Variants in RAB2A observed in about 807,000 individuals in gnomAD.
RAB2A encodes the protein ras-related protein Rab-2A.
In RAB2A, 7 loss-of-function variants were observed where a neutral mutation model predicts 32.5. The ratio of observed to expected loss-of-function variants is 0.22; its 90% CI spans 0.12 to 0.40. The LOEUF (loss-of-function observed/expected upper bound fraction) is 0.40. Among genes scored for constraint, RAB2A ranks in the 10% least tolerant of loss-of-function variants. The pLI is 1.00. For synonymous variants in RAB2A, 79 were observed against 85.2 expected (o/e 0.93, Z 0.40); for missense variants, 108 against 260.7 (o/e 0.41, Z 4.03).
chr8:60,522,227 C>A (rs1026548412), intron 1 of RAB2A, among the ~76,000 whole-genome samples: 1 of 152,140 alleles, frequency 6.6e-6, no homozygotes, highest in Admixed American at 6.5e-5. Flanking sequence ...TTACCAGTGT[C>A]ATGTGCAGTA....
intron 1 of RAB2A, among the ~76,000 whole-genome samples, chr8:60,550,082 C>T (rs1807822413): frequency 6.6e-6 from 1 of 152,110 alleles, no homozygotes; most frequent in East Asian, 1.9e-4. Flanking sequence ...CTTGTCTACT[C>T]AGCTTTGTCT....
intron 1 of RAB2A, among the ~76,000 whole-genome samples, chr8:60,535,620 G>A (rs1434103251): frequency 6.6e-6 from 1 of 152,122 alleles, no homozygotes; most frequent in African/African-American, 2.4e-5. Context: ...AACCAACTCT[G>A]GTTAATGTAA....
chr8:60,607,313 C>T (rs1294968944), intron 6 of RAB2A, among the ~76,000 whole-genome samples: 2 of 148,080 alleles, frequency 1.4e-5, no homozygotes. Context: ...CCTGTAGTGC[C>T]AGTTACTCAG....
At chr8:60,553,518 A>G (rs1046559030) in intron 1 of RAB2A, among the ~76,000 whole-genome samples, 1 of 152,232 alleles carries the variant, frequency 6.6e-6, no homozygotes, top group Admixed American at 6.5e-5. Flanking sequence ...ATGCATATAT[A>G]CTAAGTGTAT....
At chr8:60,615,743 G>A (rs888854768) in intron 6 of RAB2A, among the ~76,000 whole-genome samples, 17 of 152,160 alleles carry the variant, frequency 1.1e-4, no homozygotes, top group African/African-American at 4.1e-4. Context: ...AAAGTCCATG[G>A]CCACATATTT....
At chr8:60,590,705 C>T (rs1013481848) in intron 5 of RAB2A, among the ~76,000 whole-genome samples, 15 of 151,084 alleles carry the variant, frequency 9.9e-5, no homozygotes, top group Non-Finnish European at 2.1e-4. Context: ...ATTCAGTAGA[C>T]TGTAATTCAC....
intron 2 of RAB2A, among the ~76,000 whole-genome samples, chr8:60,565,676 A>ATTTTTTTTTTTT (rs71252885): frequency 3.1e-5 from 3 of 97,672 alleles, no homozygotes; most frequent in Non-Finnish European, 6.3e-5. Context: ...TCTGTAGCTG[A>ATTTTTTTTTTTT]TTTTTTTTTT....
At chr8:60,579,929 A>G (rs893802970) in intron 3 of RAB2A, among the ~76,000 whole-genome samples, 1 of 151,186 alleles carries the variant, frequency 6.6e-6, no homozygotes. Flanking sequence ...GCCTGGCCCT[A>G]GGTTAACATT....
intron 6 of RAB2A, among the ~76,000 whole-genome samples, chr8:60,612,920 G>A (rs1030456729): frequency 1.3e-5 from 2 of 152,118 alleles, no homozygotes; most frequent in Non-Finnish European, 1.5e-5. Flanking sequence ...GAATTGCCTT[G>A]AAATACAGTT....
Position 60,622,575 on chromosome 8 carries a change from G to C in RAB2A, c.*1806G>C, listed in dbSNP as rs1804546161. ...TAGGACAGGTACTGCTCTATACCAA[G>C]AAGAGAATGATTCTTTGGAAATTGT... On this transcript the variant is annotated 3_prime_UTR_variant, in exon 8 of 8. Coordinates refer to ENST00000262646, the MANE Select transcript of RAB2A (RefSeq NM_002865.3). 1 of 152,162 alleles carries C rather than the reference G, an allele frequency of 6.6e-6. No individual in the cohort carries two copies. Among genetic ancestry groups the C allele is most frequent in the Non-Finnish European group, 1.5e-5 (1 of 68,014 alleles). The allele number at this position is 152,162 out of a possible 1,614,324, so 9.4% of individuals were successfully genotyped here. A position where few individuals can be genotyped will look rare whatever the true frequency, so the allele number is the denominator to read the frequency against.
intron 1 of RAB2A, among the ~76,000 whole-genome samples, chr8:60,521,077 A>G (rs1807294981): frequency 6.6e-6 from 1 of 152,192 alleles, no homozygotes; most frequent in South Asian, 2.1e-4. Flanking sequence ...CAGCCTCCCA[A>G]AGTGCCAGAT....
In RAB2A at chr8:60,572,018, G is replaced by A. The variant is rs572990529; in HGVS notation, c.119-28G>A. ...AGTGAGATATATTCCCACTAATTTT[G>A]TAACAAATCATTTCCTACTCTATTT... is the stretch of plus-strand genomic sequence containing the variant. On this transcript the variant is annotated intron_variant, in intron 2 of 7. Transcript: ENST00000262646. 8 of 1,537,204 alleles carry A rather than the reference G, an allele frequency of 5.2e-6. No homozygotes were observed. In the East Asian group the frequency reaches 1.6e-4, roughly 31 times the overall value.
intron 1 of RAB2A, among the ~76,000 whole-genome samples, chr8:60,547,674 C>G (rs1807759774): frequency 8.1e-6 from 1 of 123,874 alleles, no homozygotes; most frequent in Non-Finnish European, 1.8e-5. Context: ...CACCTCCCTC[C>G]CGGACGGGGC....
At chr8:60,547,675 C>T (rs1425922349) in intron 1 of RAB2A, among the ~76,000 whole-genome samples, 5 of 121,284 alleles carry the variant, frequency 4.1e-5, no homozygotes, top group East Asian at 2.9e-4. Flanking sequence ...ACCTCCCTCC[C>T]GGACGGGGCG....
intron 3 of RAB2A, among the ~76,000 whole-genome samples, chr8:60,573,153 G>A (rs952811142): frequency 1.3e-5 from 2 of 152,218 alleles, no homozygotes; most frequent in African/African-American, 4.8e-5. Context: ...ATCACACTTT[G>A]AGAACCACTG....
chr8:60,596,464 C>A (rs1181858717), intron 6 of RAB2A, among the ~76,000 whole-genome samples: 2 of 152,052 alleles, frequency 1.3e-5, no homozygotes, highest in South Asian at 2.1e-4. Context: ...AAAAAAACAA[C>A]CCCATCAAAA....
intron 1 of RAB2A, among the ~76,000 whole-genome samples, chr8:60,550,897 C>G (rs1241890400): frequency 6.6e-6 from 1 of 152,154 alleles, no homozygotes; most frequent in Non-Finnish European, 1.5e-5. Context: ...CATGACTCTC[C>G]CTGCCTCCTG....
At chr8:60,558,954 A>G (rs767724894) in intron 2 of RAB2A, 31 bp downstream of exon 2, 5 of 1,526,278 alleles carry the variant, frequency 3.3e-6, no homozygotes, top group Non-Finnish European at 3.6e-6. Flanking sequence ...GAGAAGCACT[A>G]AAAGTTTTGG....
chr8:60,595,145 A>G (rs750050797), intron 6 of RAB2A, among the ~76,000 whole-genome samples: 1 of 152,254 alleles, frequency 6.6e-6, no homozygotes, highest in Non-Finnish European at 1.5e-5. Context: ...GATTGAAGAA[A>G]GAATCTTAGA....
Sources: gnomAD v4.1 joint callset for allele counts (sites outside exome capture counted in the v4.1 genomes callset) on GRCh38, gnomAD v4.1.1 for gene constraint, MANE v1.5 for transcripts, NCBI Gene and HGNC (gene_info 2026-07-23, HGNC 2026-07-21) for gene names.